DNAJC1: variants seen among roughly 807,000 people sequenced by gnomAD.
DNAJC1 encodes dnaJ homolog subfamily C member 1.
A neutral mutation model predicts 76.6 loss-of-function variants in DNAJC1; 58 were observed. The ratio of observed to expected loss-of-function variants is 0.76; its 90% confidence interval spans 0.61 to 0.94. The LOEUF is 0.94. DNAJC1 is among the 40% of genes least tolerant of loss of function. The pLI, the probability that DNAJC1 is intolerant of heterozygous loss-of-function variation, is 0.00. For synonymous variants in DNAJC1, 258 were observed against 267.9 expected (o/e 0.96, Z 0.36); for missense variants, 689 against 677.3 (o/e 1.02, Z -0.19).
At chr10:21,967,015 T>TTC (rs1491435437) in intron 1 of DNAJC1, among the ~76,000 whole-genome samples, 1 of 8,974 alleles carries the variant, frequency 1.1e-4, no homozygotes, top group African/African-American at 2.1e-3. Context: ...CTTCTTCTTC[T>TTC]TTTTTTTTTT....
chr10:21,979,865 A>G (rs1838124774), intron 1 of DNAJC1, among the ~76,000 whole-genome samples: 1 of 152,022 alleles, frequency 6.6e-6, no homozygotes, highest in South Asian at 2.1e-4. Flanking sequence ...TAATAATCAA[A>G]GCTTTCTGCT....
intron 9 of DNAJC1, among the ~76,000 whole-genome samples, chr10:21,769,114 A>T (rs574707005): frequency 1.3e-5 from 2 of 152,146 alleles, no homozygotes; most frequent in Non-Finnish European, 2.9e-5. Flanking sequence ...GTTCCTCAAC[A>T]TTCTACCCTT....
rs891508962 is a variant in DNAJC1 at position 22,003,660 on chromosome 10, G to A, written c.-226C>T. 8 of 436,386 alleles carry A rather than the reference G, an allele frequency of 1.8e-5. No homozygotes were observed. The highest frequency in any genetic ancestry group is 3.9e-5 in the East Asian group (1 of 25,370). 27.0% of individuals were successfully genotyped at this position (436,386 alleles called of 1,614,324 possible). On this transcript the variant is annotated 5_prime_UTR_variant, in exon 1 of 12. The change creates a new upstream start codon in the 5' untranslated region. Transcript: ENST00000376980. Reference sequence around the variant, plus strand: ...CGGGCGGGGCCGCAGCCAGCGCTACGTTCCGAAGACCCTCGCCCCCAGGCC... The same window carrying A: ...CGGGCGGGGCCGCAGCCAGCGCTACATTCCGAAGACCCTCGCCCCCAGGCC...
chr10:21,899,545 T>TCCCCCAA (rs1836610028), intron 7 of DNAJC1, among the ~76,000 whole-genome samples: 1 of 151,506 alleles, frequency 6.6e-6, no homozygotes, highest in South Asian at 2.1e-4. Flanking sequence ...TGAGAAAGGA[T>TCCCCCAA]CCCCCAACAA....
At chr10:21,786,760 T>G (rs2131631627) in intron 9 of DNAJC1, among the ~76,000 whole-genome samples, 1 of 152,234 alleles carries the variant, frequency 6.6e-6, no homozygotes, top group South Asian at 2.1e-4. Context: ...CATGAGCCAC[T>G]GTGCCTGGAC....
intron 9 of DNAJC1, among the ~76,000 whole-genome samples, chr10:21,778,411 C>G (rs1283439240): frequency 6.6e-6 from 1 of 152,148 alleles, no homozygotes; most frequent in Non-Finnish European, 1.5e-5. Context: ...CACTGGATGT[C>G]ACATTACTAA....
chr10:21,812,339 G>C (rs1395183627), intron 8 of DNAJC1, among the ~76,000 whole-genome samples: 1 of 152,100 alleles, frequency 6.6e-6, no homozygotes, highest in Admixed American at 6.5e-5. Context: ...TTACAGGTGT[G>C]AGCCACTGCG....
intron 9 of DNAJC1, among the ~76,000 whole-genome samples, chr10:21,781,969 T>C (rs1270893169): frequency 6.6e-6 from 1 of 151,856 alleles, no homozygotes; most frequent in East Asian, 1.9e-4. Flanking sequence ...ATTGACACCC[T>C]ACCACTGCAA....
At chr10:21,762,891 A>C (rs774911617) in intron 10 of DNAJC1, among the ~76,000 whole-genome samples, 1 of 152,238 alleles carries the variant, frequency 6.6e-6, no homozygotes, top group Non-Finnish European at 1.5e-5. Flanking sequence ...TTTTGGCCAT[A>C]GAATAACACA....
intron 7 of DNAJC1, among the ~76,000 whole-genome samples, chr10:21,902,299 A>G (rs1836669806): frequency 6.6e-6 from 1 of 152,174 alleles, no homozygotes; most frequent in Non-Finnish European, 1.5e-5. Flanking sequence ...ATTTTTACAT[A>G]ATCAGACAAT....
At chr10:21,804,020 T>A (rs983371932) in intron 9 of DNAJC1, 1 of 963,980 alleles carries the variant, frequency 1.0e-6, no homozygotes, top group African/African-American at 1.8e-5. Flanking sequence ...TGGGATGAAT[T>A]TGCAAAAGTT....
intron 1 of DNAJC1, among the ~76,000 whole-genome samples, chr10:21,992,512 C>CA (rs1838342673): frequency 6.6e-6 from 1 of 151,598 alleles, no homozygotes; most frequent in East Asian, 1.9e-4. Context: ...GAGATTGTGC[C>CA]ACTGCACTCC....
rs147727996 is a variant in DNAJC1 at position 21,778,778 on chromosome 10, G to A, written c.1099-12469C>T. Among the ~76,000 whole-genome samples the A allele has an allele frequency of 7.8e-3, 1,194 of 152,318 alleles. 3 individuals carry two copies. The highest frequency in any genetic ancestry group is 0.013 in the Non-Finnish European group (873 of 68,040). On this transcript the variant is annotated intron_variant, in intron 9 of 11. Coordinates refer to ENST00000376980, the MANE Select transcript of DNAJC1 (RefSeq NM_022365.4). ...ACAGTGGGTGCAGCCCACCAAGCGT[G>A]AGCCGAAGCAGGGCGAGGCATTGCC...
intron 8 of DNAJC1, among the ~76,000 whole-genome samples, chr10:21,867,802 T>G (rs1013442713): frequency 6.6e-6 from 1 of 151,954 alleles, no homozygotes; most frequent in African/African-American, 2.4e-5. Flanking sequence ...CCGGGTGCCG[T>G]AGCTCACGTT....
chr10:21,799,924 C>G (rs988344313), intron 9 of DNAJC1, among the ~76,000 whole-genome samples: 4 of 152,146 alleles, frequency 2.6e-5, no homozygotes, highest in Non-Finnish European at 4.4e-5. Context: ...TCTAGTGTTG[C>G]TGAGGGACCT....
intron 1 of DNAJC1, among the ~76,000 whole-genome samples, chr10:21,987,133 ATGAAATATAGTCT>A (rs1838260573): frequency 6.6e-6 from 1 of 152,242 alleles, no homozygotes; most frequent in African/African-American, 2.4e-5. Context: ...AGTGAAATAA[ATGAAATATAGTCT>A]TATCCAAACA....
At chr10:21,804,517 T>A (rs1019888197) in intron 9 of DNAJC1, among the ~76,000 whole-genome samples, 3 of 151,958 alleles carry the variant, frequency 2.0e-5, no homozygotes, top group African/African-American at 7.2e-5. Context: ...TACTGATATG[T>A]CATTATTAAC....
chr10:21,867,790 G>A (rs1484445596), intron 8 of DNAJC1, among the ~76,000 whole-genome samples: 1 of 152,048 alleles, frequency 6.6e-6, no homozygotes, highest in South Asian at 2.1e-4. Context: ...CTGGGTGACA[G>A]GCCGGGTGCC....
rs1836577818 is a variant in DNAJC1 at position 21,898,235 on chromosome 10, A to G, written c.820+6287T>C. ...ATGAAGATATAAATAATTAATGAAG[A>G]AACATACTATATTCATAGATTTGGA... On this transcript the variant is annotated intron_variant, in intron 7 of 11. Coordinates refer to ENST00000376980, the MANE Select transcript of DNAJC1 (RefSeq NM_022365.4). Among the ~76,000 whole-genome samples, 3 of 152,382 alleles carry G rather than the reference A, an allele frequency of 2.0e-5. No homozygotes were observed. The South Asian group carries it at 6.2e-4, about 32-fold the overall frequency.
Sources: gnomAD v4.1 joint callset for allele counts (sites outside exome capture counted in the v4.1 genomes callset) on GRCh38, gnomAD v4.1.1 for gene constraint, MANE v1.5 for transcripts, NCBI Gene and HGNC (gene_info 2026-07-23, HGNC 2026-07-21) for gene names.